Variants in SYNE1 observed in about 807,000 individuals in gnomAD.
SYNE1 encodes the protein nesprin-1.
In SYNE1, 616 loss-of-function variants were observed where a neutral mutation model predicts 1,111.0. That is an observed-to-expected ratio of 0.55 (90% confidence interval 0.52 to 0.59). SYNE1 has a LOEUF of 0.59. Ranked by LOEUF, SYNE1 falls within the 20% of genes least tolerant of loss-of-function variation. The probability of loss-of-function intolerance (pLI) is 0.00; values close to 1 mark genes in which losing one functional copy is unlikely to be tolerated. For synonymous variants in SYNE1, 3,855 were observed against 3,825.8 expected, an observed-to-expected ratio of 1.01 and a Z score of -0.28; for missense variants, 10,006 against 10,417.0, an observed-to-expected ratio of 0.96 and a Z score of 1.72.
intron 3 of SYNE1, among the ~76,000 whole-genome samples, chr6:152,572,547 A>G (rs758922788): frequency 2.0e-5 from 3 of 152,172 alleles, no homozygotes; most frequent in Non-Finnish European, 4.4e-5. Flanking sequence ...GGATTAGGAA[A>G]CAGCTCCAGA....
rs1465497063 is a variant in SYNE1, at chr6:152,422,158, T to A, written c.5268-2436A>T. On this transcript the variant is annotated intron_variant, in intron 39 of 145. Coordinates refer to ENST00000367255, the MANE Select transcript of SYNE1 (RefSeq NM_182961.4). ...ACCATTCATCTGAACTGAACTACAATCCAGAAAAATCTGTTCAGATTGCTA... is the reference window on the plus strand; with the variant it reads ...ACCATTCATCTGAACTGAACTACAAACCAGAAAAATCTGTTCAGATTGCTA... Among the ~76,000 whole-genome samples, 5 of 152,344 alleles carry A rather than the reference T, an allele frequency of 3.3e-5. No individual in the cohort carries two copies. The East Asian group carries it at 9.6e-4, about 29-fold the overall frequency.
intron 14 of SYNE1, among the ~76,000 whole-genome samples, chr6:152,474,154 C>T (rs939461132): frequency 1.3e-5 from 2 of 150,572 alleles, no homozygotes; most frequent in African/African-American, 4.9e-5. Flanking sequence ...CATTGCACTC[C>T]AGCCTGGGCA....
intron 3 of SYNE1, among the ~76,000 whole-genome samples, chr6:152,550,879 C>T (rs923923003): frequency 5.3e-5 from 8 of 151,948 alleles, no homozygotes; most frequent in African/African-American, 1.5e-4. Context: ...CTTAGACTTT[C>T]GGATAAAGGG....
At chr6:152,462,717 T>G in intron 20 of SYNE1, 21 bp downstream of exon 20, 1 of 1,613,916 alleles carries the variant, frequency 6.2e-7, no homozygotes, top group South Asian at 1.1e-5. Context: ...GGCTTTTCAT[T>G]TTGATTCAGA....
At position 152,350,625 on chromosome 6, in the gene SYNE1, A is replaced by G. The variant is rs772794050; in HGVS notation, c.11726T>C (p.Ile3909Thr). The change falls in exon 71 of 146, where the codon ATA becomes ACA. Residue 3909 changes from isoleucine (I) to threonine (T), a missense_variant. By Grantham distance (89) the Ile-to-Thr change is moderately conservative (BLOSUM62 -1). Transcript: ENST00000367255. Reference sequence around the variant, plus strand: ...TCTTTCATCTCTCCTTACCTTTCCTATGCTGCACAGGTCCTGGTAATCACT... The same window carrying G: ...TCTTTCATCTCTCCTTACCTTTCCTGTGCTGCACAGGTCCTGGTAATCACT... ...LQSDYQDLCS[I>T]GKEHVFSLEA... The G allele has an allele frequency of 1.1e-5, 18 of 1,614,038 alleles. No individual in the cohort carries two copies. Among genetic ancestry groups the G allele is most frequent in the African/African-American group, 4.0e-5 (3 of 74,900 alleles).
intron 62 of SYNE1, 91 bp downstream of exon 62, chr6:152,367,127 G>T (rs2097095884): frequency 6.8e-7 from 1 of 1,468,554 alleles, no homozygotes; most frequent in African/African-American, 1.4e-5. Context: ...TGGAGAGAAT[G>T]TGACATCATC....
At chr6:152,273,534 C>G (rs1226385506) in intron 98 of SYNE1, among the ~76,000 whole-genome samples, 3 of 152,068 alleles carry the variant, frequency 2.0e-5, no homozygotes, top group Non-Finnish European at 4.4e-5. Context: ...AAGGCTCTTG[C>G]CCCAGGTCAC....
At position 152,268,005 on chromosome 6, in the gene SYNE1, A is replaced by G. The variant is rs778625643; in HGVS notation, c.18815+51T>C. 2.0e-6 allele frequency: 3 copies of G among 1,504,636 alleles called. No homozygotes were observed. The Admixed American group carries it at 5.0e-5, about 25-fold the overall frequency. The allele number at this position is 1,504,636 out of a possible 1,614,324, so 93.2% of individuals were successfully genotyped here. A position where few individuals can be genotyped will look rare whatever the true frequency, so the allele number is the denominator to read the frequency against. ...TTGAGTGAGATGTTTACTTTTCTTC[A>G]AATGTCAGGGAAACACAATGAAGAG... On this transcript the variant is annotated intron_variant, in intron 100 of 145. Coordinates refer to ENST00000367255, the MANE Select transcript of SYNE1 (RefSeq NM_182961.4).
In SYNE1 at chr6:152,407,014, C is replaced by T. The variant is rs752930417; in HGVS notation, c.6723G>A (p.Glu2241=). ...CCATATGTCAACACAGTCAATTTAC[C>T]TCAAATTCTTTAAGCAGTTCTTCAG... ...LRAEELLKEF[E]SEVKNKALRL... The change falls in exon 45 of 146, where the codon GAG becomes GAA. Residue 2241 remains glutamate, a splice_region_variant and synonymous_variant. Transcript: ENST00000367255. 3 of 1,612,936 alleles carry T rather than the reference C, an allele frequency of 1.9e-6. No homozygotes were observed. The highest frequency in any genetic ancestry group is 2.5e-6 in the Non-Finnish European group (3 of 1,179,732).
rs537532640 is a variant in SYNE1 at position 152,334,089 on chromosome 6, C to G, written c.12713G>C (p.Arg4238Thr). 2.5e-6 allele frequency: 4 copies of G among 1,614,158 alleles called. No homozygotes were observed. The African/African-American group carries it at 5.3e-5, about 22-fold the overall frequency. Reference sequence around the variant, plus strand: ...CATACAGTCATGGTAATCTCTTGTTCTCTGAAGATCCTCTTCCCTTTGCAA... The same window carrying G: ...CATACAGTCATGGTAATCTCTTGTTGTCTGAAGATCCTCTTCCCTTTGCAA... ...LCLQREEDLQRTRDYHDCMNV... is the reference protein window; with the variant it reads ...LCLQREEDLQTTRDYHDCMNV... Residue 4238 changes from arginine to threonine, a missense_variant, in exon 77 of 146, where the codon AGA becomes ACA. Arg to Thr is a moderately conservative substitution (Grantham distance 71). This residue lies in a region of SYNE1 where 4,955 missense variants were observed against 5,017.2 expected (regional missense o/e 0.99). Transcript: ENST00000367255.
At chr6:152,200,109 C>A (rs2813538) in intron 127 of SYNE1, among the ~76,000 whole-genome samples, 76,961 of 152,016 alleles carry the variant, frequency 0.51, 19,858 homozygotes, top group East Asian at 0.64. Flanking sequence ...ATGGATTTAA[C>A]AAAAGTACAT....
Position 152,321,263 on chromosome 6 carries a change from G to A in SYNE1, c.16211C>T (p.Ala5404Val), listed in dbSNP as rs140850000. ...SELSLQLAEV[A>V]LDLKIRDQIQ... ...CTGATCTCGGATCTTTAGATCTAAC[G>A]CCACTTCAGCCAACTGAAGGGAGAG... Residue 5404 changes from alanine (A) to valine (V), a missense_variant, in exon 84 of 146, where the codon GCG becomes GTG. Physicochemically the swap from Ala to Val is moderately conservative, Grantham distance 64. Transcript: ENST00000367255. The A allele has an allele frequency of 3.0e-4, 480 of 1,613,528 alleles. 1 individual carries two copies. Among genetic ancestry groups the A allele is most frequent in the Non-Finnish European group, 4.0e-4 (470 of 1,179,852 alleles).
At chr6:152,477,000 G>A (rs2098838835) in intron 14 of SYNE1, among the ~76,000 whole-genome samples, 1 of 152,124 alleles carries the variant, frequency 6.6e-6, no homozygotes. Flanking sequence ...CAATATTGGG[G>A]AAATATACAT....
intron 3 of SYNE1, among the ~76,000 whole-genome samples, chr6:152,591,608 T>C (rs564954381): frequency 4.6e-5 from 7 of 152,160 alleles, no homozygotes; most frequent in Non-Finnish European, 1.0e-4. Context: ...TGGAAAAGAA[T>C]TTTTGGCTCA....
chr6:152,617,763 C>A (rs544042119), intron 3 of SYNE1, among the ~76,000 whole-genome samples: 53 of 152,284 alleles, frequency 3.5e-4, no homozygotes, highest in Non-Finnish European at 6.6e-4. Flanking sequence ...AACGAGGAAT[C>A]CTCTCACTCT....
Position 152,391,579 on chromosome 6 carries a change from G to GCAAAAAAA in SYNE1, c.7713-12_7713-11insTTTTTTTG. 6 of 855,100 alleles carry GCAAAAAAA rather than the reference G, an allele frequency of 7.0e-6. No homozygotes were observed. Among genetic ancestry groups the GCAAAAAAA allele is most frequent in the South Asian group, 2.8e-5 (1 of 35,716 alleles). 53.0% of individuals were successfully genotyped at this position (855,100 alleles called of 1,614,324 possible). A position where few individuals can be genotyped will look rare whatever the true frequency, so the allele number is the denominator to read the frequency against. ...TTATCAAGAGACTCTCTGAAAAAAAGGAAAAAAAAAAAAAAGAAAAAAAAT... is the reference window on the plus strand; with the variant it reads ...TTATCAAGAGACTCTCTGAAAAAAAGCAAAAAAAGAAAAAAAAAAAAAAGAAAAAAAAT... On this transcript the variant is annotated splice_polypyrimidine_tract_variant and intron_variant, in intron 51 of 145. Transcript: ENST00000367255.
chr6:152,488,382 T>A lies in SYNE1; in HGVS notation c.1047+14A>T, dbSNP rs1433276058. 1 of 1,440,784 alleles carries A rather than the reference T, an allele frequency of 6.9e-7. No homozygotes were observed. Among genetic ancestry groups the A allele is most frequent in the African/African-American group, 1.4e-5 (1 of 71,070 alleles). 89.2% of individuals were successfully genotyped at this position (1,440,784 alleles called of 1,614,324 possible). ...TAGCTTTTGAAAAATTCAAAAATCT[T>A]CTCCATACAATACCTGATATTTATC... On this transcript the variant is annotated intron_variant, in intron 12 of 145. Transcript: ENST00000367255.
intron 127 of SYNE1, among the ~76,000 whole-genome samples, chr6:152,192,381 G>A (rs929068799): frequency 1.3e-5 from 2 of 152,020 alleles, no homozygotes; most frequent in Non-Finnish European, 2.9e-5. Flanking sequence ...TGGGTCTAAT[G>A]TCTCTCTTTA....
rs755709525 is a variant in SYNE1 at position 152,483,145 on chromosome 6, G to T, written c.1290C>A (p.Thr430=). 1.2e-6 allele frequency: 2 copies of T among 1,614,196 alleles called. No homozygotes were observed. The highest frequency in any genetic ancestry group is 1.7e-6 in the Non-Finnish European group (2 of 1,180,026). The part of the protein sequence containing the change: ...RAEVALREEI[T]VQQVHEETAN... Reference sequence around the variant, plus strand: ...CTGTTTCCTCGTGGACCTGTTGAACGGTTATTTCCTCTCTCAGGGCCACCT... The same window carrying T: ...CTGTTTCCTCGTGGACCTGTTGAACTGTTATTTCCTCTCTCAGGGCCACCT... Residue 430 remains threonine (T), a synonymous_variant, in exon 14 of 146, where the codon ACC becomes ACA. Transcript: ENST00000367255.
Sources: gnomAD v4.1 joint callset for allele counts (sites outside exome capture counted in the v4.1 genomes callset) on GRCh38, gnomAD v4.1.1 for gene constraint, gnomAD v4.1.1 regional missense constraint, MANE v1.5 for transcripts, NCBI Gene and HGNC (gene_info 2026-07-23, HGNC 2026-07-21) for gene names.